PRH1: variants seen among roughly 807,000 people sequenced by gnomAD.
PRH1 encodes the protein salivary acidic proline-rich phosphoprotein 1/2.
In PRH1, 7 loss-of-function variants were observed where a neutral mutation model predicts 7.9. The ratio of observed to expected loss-of-function variants is 0.89; its 90% confidence interval spans 0.50 to 1.67. The LOEUF is 1.67. PRH1 is among the 40% of genes most tolerant of loss of function. The pLI, the probability that PRH1 is intolerant of heterozygous loss-of-function variation, is 0.00. For missense variants in PRH1, 109 were observed against 223.6 expected, an observed-to-expected ratio of 0.49 and a Z score of 3.27; for synonymous variants, 45 against 80.8, an observed-to-expected ratio of 0.56 and a Z score of 2.38.
chr12:11,098,471 C>T (rs1945128707), intron 1 of PRH1, among the ~76,000 whole-genome samples: 1 of 152,252 alleles, frequency 6.6e-6, no homozygotes, highest in East Asian at 1.9e-4. Context: ...CCTGAATCCT[C>T]ATTTGCTAGT....
upstream of PRH1, chr12:10,884,336 C>T (rs984126532): frequency 4.8e-6 from 6 of 1,238,266 alleles, no homozygotes; most frequent in African/African-American, 8.9e-5. Flanking sequence ...GGCCTCCTCG[C>T]CTCAGAGACT....
In PRH1 at chr12:11,022,112, A is replaced by G. The variant is rs1201364115; in HGVS notation, c.-126+24908T>C. The G allele has an allele frequency of 1.9e-6, 3 of 1,613,766 alleles. No homozygotes were observed. In the Admixed American group the frequency reaches 5.0e-5, roughly 27 times the overall value. ...ACATTTCCTTCATATTCTTTTGTCC[A>G]CACTCTCTCATCCATGGTTATCACA... On this transcript the variant is annotated intron_variant, in intron 1 of 3. Transcript: ENST00000539853.
chr12:10,905,191 G>A (rs746522216), intron 2 of PRH1, among the ~76,000 whole-genome samples: 5 of 151,520 alleles, frequency 3.3e-5, no homozygotes, highest in Admixed American at 6.6e-5. Flanking sequence ...GTGTATGCAC[G>A]CCACACTTTT....
chr12:11,087,168 C>T (rs181656237), intron 1 of PRH1, among the ~76,000 whole-genome samples: 2,475 of 114,110 alleles, frequency 0.022, 570 homozygotes, highest in Middle Eastern at 0.035. Flanking sequence ...GTGGCACAAT[C>T]ATAGCCCACT....
intron 1 of PRH1, among the ~76,000 whole-genome samples, chr12:11,168,989 T>C (rs2136480563): frequency 6.6e-6 from 1 of 152,322 alleles, no homozygotes; most frequent in East Asian, 1.9e-4. Context: ...ACGTACTTTT[T>C]TTCTAGTTTG....
At position 11,168,401 on chromosome 12, in the gene PRH1, A is replaced by G. The variant is rs199612787; in HGVS notation, n.39+3021T>C. ...GAAAGAAAGAAAGAAAGAAAGAAAG[A>G]AAGAAAGAAAGAAAGAAAGGAAAAG... is the stretch of plus-strand genomic sequence containing the variant. On this transcript the variant is annotated intron_variant and non_coding_transcript_variant, in intron 1 of 1. Coordinates refer to the PRH1 transcript ENST00000541175. 1.2e-4 allele frequency among the ~76,000 whole-genome samples: 3 copies of G among 24,092 alleles called. 1 individual carries two copies. Among genetic ancestry groups the G allele is most frequent in the African/African-American group, 1.8e-4 (2 of 10,838 alleles). 15.8% of individuals were successfully genotyped at this position (24,092 alleles called of 152,430 possible). A position where few individuals can be genotyped will look rare whatever the true frequency, so the allele number is the denominator to read the frequency against.
intron 1 of PRH1, among the ~76,000 whole-genome samples, chr12:10,994,082 C>A (rs768138882): frequency 2.6e-5 from 4 of 152,170 alleles, no homozygotes; most frequent in Non-Finnish European, 5.9e-5. Flanking sequence ...AGGGCATGAG[C>A]ACATCTGAAT....
At chr12:11,007,067 A>G (rs1940865006) in intron 1 of PRH1, among the ~76,000 whole-genome samples, 2 of 152,122 alleles carry the variant, frequency 1.3e-5, no homozygotes, top group African/African-American at 4.8e-5. Flanking sequence ...AAAACCCAAT[A>G]CATATGTCAT....
chr12:11,049,773 C>G (rs564374004), upstream of PRH1, among the ~76,000 whole-genome samples: 4 of 152,168 alleles, frequency 2.6e-5, 1 homozygote, highest in African/African-American at 7.2e-5. Context: ...TTGTTTAATA[C>G]CAGAATCTAA....
intron 2 of PRH1, among the ~76,000 whole-genome samples, chr12:10,892,132 C>A (rs1276117499): frequency 6.6e-6 from 1 of 152,138 alleles, no homozygotes; most frequent in Non-Finnish European, 1.5e-5. Flanking sequence ...AAACTTTGCA[C>A]CCTGCATGCC....
chr12:11,111,948 C>A (rs940790577), intron 1 of PRH1, among the ~76,000 whole-genome samples: 1 of 117,588 alleles, frequency 8.5e-6, no homozygotes, highest in Non-Finnish European at 2.0e-5. Context: ...CCAATAGACA[C>A]AATAAAAAAT....
chr12:11,060,871 G>C (rs1185381748), intron 1 of PRH1, among the ~76,000 whole-genome samples: 1 of 152,266 alleles, frequency 6.6e-6, no homozygotes, highest in Admixed American at 6.5e-5. Flanking sequence ...ATTTAGAATT[G>C]AATGACCTTA....
intron 1 of PRH1, among the ~76,000 whole-genome samples, chr12:11,023,919 G>A (rs1941784715): frequency 6.6e-6 from 1 of 152,164 alleles, no homozygotes; most frequent in Non-Finnish European, 1.5e-5. Flanking sequence ...TAGGTATTCT[G>A]CTAAATCAGG....
chr12:11,030,323 A>T lies in PRH1; in HGVS notation c.-126+16697T>A, dbSNP rs1305910781. ...AATTATTCATACACATACAGTATAG[A>T]AAAACCAGTAAGAAATATAAAATGT... On this transcript the variant is annotated intron_variant, in intron 1 of 3. Transcript: ENST00000539853. 3.9e-6 allele frequency: 6 copies of T among 1,537,468 alleles called. No homozygotes were observed. In the African/African-American group the frequency reaches 5.5e-5, roughly 14 times the overall value.
chr12:11,024,230 T>C (rs796636168), intron 1 of PRH1, among the ~76,000 whole-genome samples: 1,708 of 97,850 alleles, frequency 0.017, no homozygotes, highest in South Asian at 0.035. Flanking sequence ...TCCTAATTAA[T>C]AATTTTTATC....
chr12:11,168,220 GAAAGAAAGAAAGAAAGA>G lies in PRH1; in HGVS notation n.39+3185_39+3201del. Among the ~76,000 whole-genome samples, 2 of 4,946 alleles carry G rather than the reference GAAAGAAAGAAAGAAAGA, an allele frequency of 4.0e-4. 1 individual carries two copies. The highest frequency in any genetic ancestry group is 1.2e-3 in the Non-Finnish European group (2 of 1,658). The allele number at this position is 4,946 out of a possible 152,430, so 3.2% of individuals were successfully genotyped here. On this transcript the variant is annotated intron_variant and non_coding_transcript_variant, in intron 1 of 1. Coordinates refer to the PRH1 transcript ENST00000541175. ...AAAAACGAAAGAAAGAAAGAAGAAA[GAAAGAAAGAAAGAAAGA>G]AAGAAAGAAAGAAAGAAAGAAAGAA... is the stretch of plus-strand genomic sequence containing the variant.
chr12:10,936,425 A>G (rs1950289007), intron 2 of PRH1, among the ~76,000 whole-genome samples: 1 of 152,170 alleles, frequency 6.6e-6, no homozygotes, highest in Non-Finnish European at 1.5e-5. Context: ...ACATGCAATA[A>G]GTTGTACAGA....
chr12:10,907,738 CAT>C (rs758292736), intron 2 of PRH1, among the ~76,000 whole-genome samples: 21 of 150,762 alleles, frequency 1.4e-4, no homozygotes, highest in South Asian at 2.1e-4. Flanking sequence ...TGTGGACTAA[CAT>C]GTTGCATTTT....
At chr12:10,884,105 C>T in intron 1 of PRH1, 49 bp downstream of exon 1, 2 of 1,611,312 alleles carry the variant, frequency 1.2e-6, no homozygotes, top group Non-Finnish European at 1.7e-6. Context: ...ATAGCATTTG[C>T]CTGTAAACCC....
Sources: allele counts gnomAD v4.1 joint callset (sites outside exome capture counted in the v4.1 genomes callset), GRCh38; gene constraint gnomAD v4.1.1; transcripts MANE v1.5; gene names NCBI Gene and HGNC (gene_info 2026-07-23, HGNC 2026-07-21).